ATRNL1: variants seen among roughly 807,000 people sequenced by gnomAD.
The protein encoded by ATRNL1 is attractin like 1.
In ATRNL1, 95 loss-of-function variants were observed where a neutral mutation model predicts 182.7. The observed-to-expected ratio is 0.52, with a 90% CI of 0.44 to 0.62. ATRNL1 has a LOEUF of 0.62. Ranked by LOEUF, ATRNL1 falls within the 20% of genes least tolerant of loss-of-function variation. The pLI is 0.00. For missense variants in ATRNL1, 1,471 were observed against 1,679.5 expected (o/e 0.88, Z 2.17); for synonymous variants, 576 against 568.3 (o/e 1.01, Z -0.19).
At chr10:115,856,312 CA>C (rs1249136063) in intron 28 of ATRNL1, among the ~76,000 whole-genome samples, 1 of 151,490 alleles carries the variant, frequency 6.6e-6, no homozygotes, top group Non-Finnish European at 1.5e-5. Flanking sequence ...CCCGTAATCC[CA>C]GCTACTGGGG....
Position 115,394,674 on chromosome 10 carries a change from G to A in ATRNL1, c.3191G>A (p.Gly1064Asp). 2.5e-6 allele frequency: 4 copies of A among 1,611,580 alleles called. No homozygotes were observed. The highest frequency in any genetic ancestry group is 2.5e-6 in the Non-Finnish European group (3 of 1,178,324). Residue 1064 changes from glycine (G) to aspartate (D), a missense_variant, in exon 20 of 29, where the codon GGC (glycine) becomes GAC (aspartate). By Grantham distance (94) the Gly-to-Asp change is moderately conservative. Coordinates refer to ENST00000355044, the MANE Select transcript of ATRNL1 (RefSeq NM_207303.4). ...GGQCTACTCSGHANICHLHTG... is the reference protein window; with the variant it reads ...GGQCTACTCSDHANICHLHTG... ...TGACTTACAGCTTGTACATGCAGTG[G>A]CCATGCAAATATCTGTCATCTGCAC...
At chr10:115,595,524 A>G (rs2769396) in intron 26 of ATRNL1, among the ~76,000 whole-genome samples, 72,358 of 151,956 alleles carry the variant, frequency 0.48, 18,697 homozygotes, top group East Asian at 0.84. Flanking sequence ...GGCAGTAGTT[A>G]AGAGCTTAAT....
At chr10:115,785,402 G>A (rs1476889337) in intron 27 of ATRNL1, among the ~76,000 whole-genome samples, 1 of 152,158 alleles carries the variant, frequency 6.6e-6, no homozygotes, top group Non-Finnish European at 1.5e-5. Context: ...TCCACCCTTA[G>A]AGTCATTCCT....
chr10:115,365,754 A>C (rs1212326453), intron 19 of ATRNL1, among the ~76,000 whole-genome samples: 1 of 151,880 alleles, frequency 6.6e-6, no homozygotes, highest in Non-Finnish European at 1.5e-5. Context: ...GAACAGCTTT[A>C]TTTCTGCCTT....
chr10:115,880,771 C>T (rs181707750), intron 28 of ATRNL1, among the ~76,000 whole-genome samples: 8 of 152,304 alleles, frequency 5.3e-5, no homozygotes, highest in African/African-American at 1.9e-4. Context: ...GTCTTTTGTG[C>T]ATGTACGAGT....
intron 5 of ATRNL1, among the ~76,000 whole-genome samples, chr10:115,158,129 C>G (rs1554882504): frequency 6.6e-6 from 1 of 151,974 alleles, no homozygotes; most frequent in Non-Finnish European, 1.5e-5. Context: ...ACATTTTACT[C>G]TATTTTCTTT....
chr10:115,292,103 A>G (rs1449794425), intron 15 of ATRNL1, among the ~76,000 whole-genome samples: 1 of 151,888 alleles, frequency 6.6e-6, no homozygotes, highest in Non-Finnish European at 1.5e-5. Flanking sequence ...ATGTGTACAG[A>G]AATTTATTCA....
At chr10:115,160,255 G>A in intron 6 of ATRNL1, 41 bp downstream of exon 6, 1 of 1,519,390 alleles carries the variant, frequency 6.6e-7, no homozygotes, top group East Asian at 2.3e-5. Context: ...TTTTAAGCTG[G>A]ATTTTTATCC....
Position 115,621,276 on chromosome 10 carries a change from T to TATATATATAGAGAG in ATRNL1, c.3795+71741_3795+71742insTATATATAGAGAGA, listed in dbSNP as rs1268020830. Reference sequence around the variant, plus strand: ...CTGAATATATATATATATATATATATAGAGAGAGAGAGAGAGAGAGAGAGA... The same window carrying TATATATATAGAGAG: ...CTGAATATATATATATATATATATATATATATATAGAGAGAGAGAGAGAGAGAGAGAGAGAGAGA... On this transcript the variant is annotated intron_variant, in intron 26 of 28. Coordinates refer to ENST00000355044, the MANE Select transcript of ATRNL1 (RefSeq NM_207303.4). Among the ~76,000 whole-genome samples, 188 of 47,512 alleles carry TATATATATAGAGAG rather than the reference T, an allele frequency of 4.0e-3. 1 individual carries two copies. Among genetic ancestry groups the TATATATATAGAGAG allele is most frequent in the South Asian group, 8.3e-3 (8 of 960 alleles). The allele number at this position is 47,512 out of a possible 152,430, so 31.2% of individuals were successfully genotyped here.
intron 25 of ATRNL1, among the ~76,000 whole-genome samples, chr10:115,527,190 G>C (rs1423330851): frequency 6.8e-6 from 1 of 147,532 alleles, no homozygotes; most frequent in Non-Finnish European, 1.5e-5. Context: ...CACAATCTCA[G>C]TTCACTCAAC....
chr10:115,872,048 C>G (rs1207295310), intron 28 of ATRNL1, among the ~76,000 whole-genome samples: 1 of 152,188 alleles, frequency 6.6e-6, no homozygotes, highest in Non-Finnish European at 1.5e-5. Flanking sequence ...ATCTGTTTAT[C>G]TAAGAAGCCA....
rs1365267678 is a variant in ATRNL1, at chr10:115,129,481, G to A, written c.775G>A (p.Gly259Ser). 4 of 1,613,932 alleles carry A rather than the reference G, an allele frequency of 2.5e-6. No individual in the cohort carries two copies. The highest frequency in any genetic ancestry group is 1.1e-5 in the South Asian group (1 of 91,074). Residue 259 changes from glycine (G) to serine (S), a missense_variant, in exon 5 of 29, where the codon GGT becomes AGT. Gly to Ser is a moderately conservative substitution (Grantham distance 56). Around this residue, in one of 3 missense-constraint regions of ATRNL1, gnomAD observed 1,031 missense variants for 1,156.0 expected, o/e 0.89. Coordinates refer to ENST00000355044, the MANE Select transcript of ATRNL1 (RefSeq NM_207303.4). Reference protein sequence around the residue: ...CKANCGSPDHGYCDLTGEKLC... With the variant: ...CKANCGSPDHSYCDLTGEKLC... ...AGCCAATTGCGGCAGTCCAGATCAC[G>A]GTTACTGTGACCTGACTGGAGAAAA...
At chr10:115,873,281 C>T (rs1463087580) in intron 28 of ATRNL1, among the ~76,000 whole-genome samples, 1 of 152,186 alleles carries the variant, frequency 6.6e-6, no homozygotes, top group Non-Finnish European at 1.5e-5. Context: ...GAACCAGGAC[C>T]TAGACCCTAA....
chr10:115,698,646 C>T (rs1302895287), intron 26 of ATRNL1, among the ~76,000 whole-genome samples: 1 of 151,914 alleles, frequency 6.6e-6, no homozygotes, highest in Non-Finnish European at 1.5e-5. Context: ...GGCATGATGT[C>T]GTGGGCCTGT....
intron 19 of ATRNL1, among the ~76,000 whole-genome samples, chr10:115,394,359 A>T (rs1844183041): frequency 6.6e-6 from 1 of 152,032 alleles, no homozygotes. Flanking sequence ...AACTCACTTT[A>T]TTAAAGAAAT....
chr10:115,600,610 T>C (rs1180058444), intron 26 of ATRNL1, among the ~76,000 whole-genome samples: 1 of 152,254 alleles, frequency 6.6e-6, no homozygotes, highest in African/African-American at 2.4e-5. Flanking sequence ...ACGGTTCTTA[T>C]ATAATATGTT....
rs541189429 is a variant in ATRNL1 at position 115,775,398 on chromosome 10, T to C, written c.3903+48043T>C. 6.3e-4 allele frequency among the ~76,000 whole-genome samples: 96 copies of C among 152,344 alleles called. 1 individual carries two copies. The highest frequency in any genetic ancestry group is 2.2e-3 in the African/African-American group (91 of 41,584). On this transcript the variant is annotated intron_variant, in intron 27 of 28. Coordinates refer to ENST00000355044, the MANE Select transcript of ATRNL1 (RefSeq NM_207303.4). ...ATACAGAGCTTTCTTTCTTAATAGA[T>C]TGACTTCAAGAAACATTTTTTCTTC...
chr10:115,403,074 C>T (rs184526419), intron 20 of ATRNL1, among the ~76,000 whole-genome samples: 24 of 152,104 alleles, frequency 1.6e-4, no homozygotes, highest in African/African-American at 4.6e-4. Context: ...CTTGTTTTAT[C>T]AAGTCTCTTT....
chr10:115,824,898 C>A (rs1950392425), intron 27 of ATRNL1, among the ~76,000 whole-genome samples: 1 of 152,086 alleles, frequency 6.6e-6, no homozygotes, highest in Non-Finnish European at 1.5e-5. Flanking sequence ...GGGTATATTC[C>A]CAAAGGAGTT....
Sources: allele counts gnomAD v4.1 joint callset (sites outside exome capture counted in the v4.1 genomes callset), GRCh38; gene constraint gnomAD v4.1.1; regional missense constraint gnomAD v4.1.1; transcripts MANE v1.5; gene names NCBI Gene and HGNC (gene_info 2026-07-23, HGNC 2026-07-21).